The following CAMK4 variants were observed in gnomAD, a reference collection of about 807,000 sequenced individuals.
CAMK4 encodes the protein calcium/calmodulin dependent protein kinase IV.
Under a neutral mutation model 44.9 loss-of-function variants are expected in CAMK4, and 22 were observed. That is an observed-to-expected ratio of 0.49 (90% CI 0.35 to 0.70). CAMK4 has a LOEUF of 0.70. Among genes scored for constraint, CAMK4 ranks in the 30% least tolerant of loss-of-function variants. The pLI is 0.01. For synonymous variants in CAMK4, 218 were observed against 215.4 expected (o/e 1.01, Z -0.11); for missense variants, 498 against 586.8 (o/e 0.85, Z 1.56).
chr5:111,328,657 T>C (rs1749012599), intron 1 of CAMK4, among the ~76,000 whole-genome samples: 1 of 152,076 alleles, frequency 6.6e-6, no homozygotes, highest in African/African-American at 2.4e-5. Flanking sequence ...GGAATGTTCT[T>C]CCATTTGTTT....
At chr5:111,451,434 A>T (rs1754233719) in intron 7 of CAMK4, among the ~76,000 whole-genome samples, 1 of 151,912 alleles carries the variant, frequency 6.6e-6, no homozygotes, top group African/African-American at 2.4e-5. Context: ...AGTAGCTGGG[A>T]TTCCACCACA....
chr5:111,443,197 C>T lies in CAMK4; in HGVS notation c.460-3489C>T, dbSNP rs555577684. On this transcript the variant is annotated intron_variant, in intron 5 of 10. Coordinates refer to ENST00000282356, the MANE Select transcript of CAMK4 (RefSeq NM_001744.6). ...GATGTAAACAAAAATGAAATAGTGA[C>T]TCCTGACATTTTATCAGTCAGATAT... Among the ~76,000 whole-genome samples the T allele has an allele frequency of 7.0e-5, 10 of 142,826 alleles. No homozygotes were observed. The South Asian group carries it at 1.1e-3, about 16-fold the overall frequency. 93.7% of individuals were successfully genotyped at this position (142,826 alleles called of 152,430 possible). A position where few individuals can be genotyped will look rare whatever the true frequency, so the allele number is the denominator to read the frequency against.
At chr5:111,415,677 G>C (rs951627981) in intron 5 of CAMK4, among the ~76,000 whole-genome samples, 2 of 152,096 alleles carry the variant, frequency 1.3e-5, no homozygotes, top group Non-Finnish European at 2.9e-5. Flanking sequence ...ATGTTGCAAA[G>C]AATGATCAAT....
At position 111,329,791 on chromosome 5, in the gene CAMK4, A is replaced by T. The variant is rs537484979; in HGVS notation, c.162-14233A>T. ...CAACATTCACTGTCCATTCATAATT[A>T]AAAAAAGAAAAATAAATCTCTCAGC... is the stretch of plus-strand genomic sequence containing the variant. On this transcript the variant is annotated intron_variant, in intron 1 of 10. Transcript: ENST00000282356. Among the ~76,000 whole-genome samples, 83 of 151,822 alleles carry T rather than the reference A, an allele frequency of 5.5e-4. 1 individual carries two copies. The highest frequency in any genetic ancestry group is 2.0e-3 in the African/African-American group (81 of 41,504).
chr5:111,393,979 G>A, intron 4 of CAMK4, among the ~76,000 whole-genome samples: 1 of 151,446 alleles, frequency 6.6e-6, no homozygotes, highest in Non-Finnish European at 1.5e-5. Context: ...CAGAGATGGA[G>A]AAGGGATGAA....
chr5:111,299,353 C>A (rs997439252), intron 1 of CAMK4, among the ~76,000 whole-genome samples: 1 of 152,088 alleles, frequency 6.6e-6, no homozygotes, highest in African/African-American at 2.4e-5. Context: ...CGGCTTGTGT[C>A]CAGAGAGAGA....
At chr5:111,224,207 A>C, upstream of CAMK4, 6 of 287,666 alleles carry the variant, frequency 2.1e-5, no homozygotes, top group East Asian at 7.7e-5. This position sits in a 1 kb window ranked among gnomAD's most constrained non-coding sequence, Gnocchi z 5.7. Context: ...TGAGGAGGGA[A>C]GGAGCGAGGG....
intron 7 of CAMK4, among the ~76,000 whole-genome samples, chr5:111,467,262 G>A (rs185390812): frequency 9.7e-4 from 145 of 148,924 alleles, no homozygotes; most frequent in African/African-American, 3.5e-3. Context: ...AAACCATCCT[G>A]TAAATTAGCT....
intron 2 of CAMK4, among the ~76,000 whole-genome samples, chr5:111,361,080 A>T (rs543584399): frequency 1.3e-5 from 2 of 152,210 alleles, no homozygotes; most frequent in South Asian, 2.1e-4. Flanking sequence ...AGGTTCTTTG[A>T]AAAAGGTCTG....
intron 1 of CAMK4, among the ~76,000 whole-genome samples, chr5:111,234,325 T>C (rs1334798808): frequency 6.6e-6 from 1 of 152,146 alleles, no homozygotes; most frequent in East Asian, 1.9e-4. Flanking sequence ...GACTACTTGA[T>C]GAACGGTTTT....
chr5:111,434,648 T>C (rs1227055576), intron 5 of CAMK4, among the ~76,000 whole-genome samples: 1 of 152,200 alleles, frequency 6.6e-6, no homozygotes, highest in Admixed American at 6.5e-5. Context: ...CTGTTGATGA[T>C]TCTTAAGGCA....
intron 1 of CAMK4, among the ~76,000 whole-genome samples, chr5:111,243,353 T>C (rs574869769): frequency 6.6e-6 from 1 of 152,308 alleles, no homozygotes; most frequent in Non-Finnish European, 1.5e-5. Flanking sequence ...GATGAGGAAC[T>C]TGATCAGACT....
intron 3 of CAMK4, among the ~76,000 whole-genome samples, chr5:111,375,719 G>T (rs759199561): frequency 1.3e-5 from 2 of 152,130 alleles, no homozygotes; most frequent in African/African-American, 4.8e-5. Flanking sequence ...AAATCAGGCA[G>T]TTTTCTGGCT....
chr5:111,229,636 G>A (rs925550874), intron 1 of CAMK4, among the ~76,000 whole-genome samples: 22 of 152,146 alleles, frequency 1.4e-4, no homozygotes, highest in Non-Finnish European at 8.8e-5. Flanking sequence ...CCATGCTTTA[G>A]GGCCCCATGG....
chr5:111,350,273 C>T (rs558847566), intron 2 of CAMK4, among the ~76,000 whole-genome samples: 3 of 152,160 alleles, frequency 2.0e-5, no homozygotes, highest in African/African-American at 7.2e-5. Flanking sequence ...GCAATGTGTT[C>T]ACACAGATAT....
At chr5:111,383,016 C>CT (rs1174731139) in intron 4 of CAMK4, among the ~76,000 whole-genome samples, 2 of 152,128 alleles carry the variant, frequency 1.3e-5, no homozygotes, top group African/African-American at 2.4e-5. Flanking sequence ...TTATAGTTTA[C>CT]TTTTTCTAGA....
At chr5:111,404,046 G>A (rs1415384882) in intron 5 of CAMK4, among the ~76,000 whole-genome samples, 1 of 152,222 alleles carries the variant, frequency 6.6e-6, no homozygotes, top group African/African-American at 2.4e-5. Flanking sequence ...AGCCAGTGCA[G>A]CCTGCAGCAG....
chr5:111,300,676 G>A (rs1471519660), intron 1 of CAMK4, among the ~76,000 whole-genome samples: 3 of 152,164 alleles, frequency 2.0e-5, no homozygotes, highest in Middle Eastern at 3.4e-3. Context: ...ACTTCACACC[G>A]CTTTAAAGAA....
chr5:111,231,051 A>G (rs902244455), intron 1 of CAMK4, among the ~76,000 whole-genome samples: 2 of 152,278 alleles, frequency 1.3e-5, no homozygotes. Flanking sequence ...TTCTTGATCT[A>G]TTTGTAGTAC....
Sources: gnomAD v4.1 joint callset for allele counts (sites outside exome capture counted in the v4.1 genomes callset) on GRCh38, gnomAD v4.1.1 for gene constraint, Gnocchi (gnomAD v3.1) non-coding constraint, MANE v1.5 for transcripts, NCBI Gene and HGNC (gene_info 2026-07-23, HGNC 2026-07-21) for gene names.